RASSF6: variants seen among roughly 807,000 people sequenced by gnomAD.
RASSF6 encodes the protein ras association domain-containing protein 6.
RASSF6 carries 52 observed loss-of-function variants against 44.0 expected under a neutral mutation model. The ratio of observed to expected loss-of-function variants is 1.18; its 90% CI spans 0.95 to 1.49. The LOEUF (loss-of-function observed/expected upper bound fraction) is 1.49, where lower values mean the gene tolerates loss of function less well. Among genes scored for constraint, RASSF6 ranks in the 40% most tolerant of loss-of-function variants. The probability of loss-of-function intolerance (pLI) is 0.00; values close to 1 mark genes in which losing one functional copy is unlikely to be tolerated. For synonymous variants in RASSF6, 162 were observed against 124.6 expected (o/e 1.30, Z -2.00); for missense variants, 464 against 393.3 (o/e 1.18, Z -1.52).
intron 2 of RASSF6, among the ~76,000 whole-genome samples, chr4:73,602,905 G>C (rs1725371305): frequency 6.6e-6 from 1 of 152,080 alleles, no homozygotes; most frequent in Non-Finnish European, 1.5e-5. Context: ...TGGATAACAC[G>C]GTGAAACCCC....
chr4:73,576,638 T>C lies in RASSF6; in HGVS notation c.815A>G (p.Lys272Arg), dbSNP rs1723249371. The change falls in exon 9 of 11, where the codon AAA (lysine) becomes AGA (arginine). Residue 272 changes from lysine to arginine, a missense_variant. Transcript: ENST00000307439. ...ATCACTGCTAATTTCTTCTGCATCT[T>C]TATCCATGAGGAAAATGCGAGCATT... ...EKNARIFLMD[K>R]DAEEISSDVA... 1 of 1,613,392 alleles carries C rather than the reference T, an allele frequency of 6.2e-7. No homozygotes were observed. Among genetic ancestry groups the C allele is most frequent in the African/African-American group, 1.3e-5 (1 of 74,900 alleles).
At chr4:73,612,262 C>T (rs1726064972) in intron 1 of RASSF6, among the ~76,000 whole-genome samples, 1 of 152,108 alleles carries the variant, frequency 6.6e-6, no homozygotes, top group Non-Finnish European at 1.5e-5. Flanking sequence ...TTTTTCAAGT[C>T]TCCTTCAAGC....
intron 5 of RASSF6, among the ~76,000 whole-genome samples, 200 bp downstream of exon 5, chr4:73,587,640 T>C (rs957193284): frequency 1.3e-5 from 2 of 151,886 alleles, no homozygotes; most frequent in East Asian, 1.9e-4. Context: ...TATACCAAAG[T>C]AAGGTTCTTA....
chr4:73,618,154 G>T (rs1188420425), intron 1 of RASSF6, among the ~76,000 whole-genome samples: 1 of 152,026 alleles, frequency 6.6e-6, no homozygotes, highest in Non-Finnish European at 1.5e-5. Context: ...TCATTGCTGG[G>T]TCTCTCTGTG....
Position 73,611,703 on chromosome 4 carries a change from C to A in RASSF6, c.65+28G>T, listed in dbSNP as rs118059775. On this transcript the variant is annotated intron_variant, in intron 2 of 10. Coordinates refer to ENST00000307439, the MANE Select transcript of RASSF6 (RefSeq NM_177532.5). ...TTCCACAAATGACTGGTGAGTAGGA[C>A]AATGTATAATATAAGGTGTGTGGTT... The A allele has an allele frequency of 5.6e-6, 8 of 1,421,766 alleles. No homozygotes were observed. The African/African-American group carries it at 7.1e-5, about 13-fold the overall frequency. The allele number at this position is 1,421,766 out of a possible 1,614,324, so 88.1% of individuals were successfully genotyped here. A position where few individuals can be genotyped will look rare whatever the true frequency, so the allele number is the denominator to read the frequency against.
chr4:73,594,579 A>G (rs1040131237), intron 3 of RASSF6, among the ~76,000 whole-genome samples: 3 of 152,214 alleles, frequency 2.0e-5, no homozygotes, highest in African/African-American at 7.2e-5. Context: ...AGCGCCTGGC[A>G]TTCAATAGGT....
At chr4:73,618,301 T>TTTATCTATCTATCTATC (rs1252544878) in intron 1 of RASSF6, among the ~76,000 whole-genome samples, 2 of 150,216 alleles carry the variant, frequency 1.3e-5, no homozygotes, top group South Asian at 4.2e-4. Context: ...TATAAAGTTG[T>TTTATCTATCTATCTATC]TATCTATCTA....
At position 73,581,799 on chromosome 4, in the gene RASSF6, G is replaced by C; in HGVS notation, c.721+18C>G. 5 of 1,574,992 alleles carry C rather than the reference G, an allele frequency of 3.2e-6. No individual in the cohort carries two copies. Among genetic ancestry groups the C allele is most frequent in the Non-Finnish European group, 4.4e-6 (5 of 1,144,938 alleles). ...AGCACTCTAGAGTCAGGTAAAAAGT[G>C]TGATCAAGCTTTCTTACCTCCTGTT... On this transcript the variant is annotated intron_variant, in intron 8 of 10. Transcript: ENST00000307439.
At chr4:73,584,351 G>A (rs1041917762) in intron 6 of RASSF6, among the ~76,000 whole-genome samples, 1 of 152,042 alleles carries the variant, frequency 6.6e-6, no homozygotes, top group Non-Finnish European at 1.5e-5. Context: ...GAGATGGAGC[G>A]ATGAATGATT....
intron 6 of RASSF6, among the ~76,000 whole-genome samples, chr4:73,583,459 T>C (rs1464952702): frequency 6.6e-6 from 1 of 152,116 alleles, no homozygotes; most frequent in African/African-American, 2.4e-5. Flanking sequence ...TCTCCAGATA[T>C]GACAATCTAA....
intron 2 of RASSF6, 115 bp from the exon 3 acceptor site, chr4:73,598,833 C>G: frequency 1.9e-6 from 1 of 515,102 alleles, no homozygotes; most frequent in South Asian, 2.8e-5. Context: ...GGAATCTTTA[C>G]TGTTCTGTCA....
At chr4:73,595,728 A>G (rs1465297062) in intron 3 of RASSF6, among the ~76,000 whole-genome samples, 1 of 152,134 alleles carries the variant, frequency 6.6e-6, no homozygotes, top group Non-Finnish European at 1.5e-5. Flanking sequence ...GATTTAAGAT[A>G]CAGGACAATG....
At position 73,582,031 on chromosome 4, in the gene RASSF6, G is replaced by T. The variant is rs759310129; in HGVS notation, c.669+158C>A. On this transcript the variant is annotated intron_variant, in intron 7 of 10. Coordinates refer to ENST00000307439, the MANE Select transcript of RASSF6 (RefSeq NM_177532.5). ...GAATTATATAATTTTTCAAGGGATA[G>T]TTACTAAAAGGTGTTATACAAAGGA... is the stretch of plus-strand genomic sequence containing the variant. Among the ~76,000 whole-genome samples, 4 of 152,074 alleles carry T rather than the reference G, an allele frequency of 2.6e-5. No individual in the cohort carries two copies. In the South Asian group the frequency reaches 6.2e-4, roughly 24 times the overall value.
In RASSF6 at chr4:73,572,826, A is replaced by G. The variant is rs951429051; in HGVS notation, c.*3409T>C. On this transcript the variant is annotated 3_prime_UTR_variant, in exon 11 of 11. Coordinates refer to ENST00000307439, the MANE Select transcript of RASSF6 (RefSeq NM_177532.5). ...AAACTATAGAACACTTAATACAGAT[A>G]GGGAAGTTAGAAAAACATGAATCAC... 3.3e-5 allele frequency: 5 copies of G among 152,174 alleles called. No individual in the cohort carries two copies. The highest frequency in any genetic ancestry group is 2.6e-4 in the Admixed American group (4 of 15,278). 9.4% of individuals were successfully genotyped at this position (152,174 alleles called of 1,614,324 possible).
At chr4:73,592,053 C>A (rs548760467) in intron 4 of RASSF6, among the ~76,000 whole-genome samples, 1 of 152,264 alleles carries the variant, frequency 6.6e-6, no homozygotes, top group Non-Finnish European at 1.5e-5. Context: ...ACCTCACCTG[C>A]GTCTTAAAGG....
chr4:73,577,206 A>G (rs1219613177), intron 8 of RASSF6, among the ~76,000 whole-genome samples: 1 of 152,092 alleles, frequency 6.6e-6, no homozygotes, highest in Non-Finnish European at 1.5e-5. Context: ...AAATATATTC[A>G]TGAGGTTTTT....
At chr4:73,587,016 C>T (rs1724147068) in intron 5 of RASSF6, among the ~76,000 whole-genome samples, 1 of 152,040 alleles carries the variant, frequency 6.6e-6, no homozygotes, top group African/African-American at 2.4e-5. Context: ...TAAATCACAG[C>T]CCCATTTCAG....
rs144044857 is a variant in RASSF6 at position 73,576,461 on chromosome 4, A to C, written c.887T>G (p.Leu296Arg). 6.3e-4 allele frequency: 1,002 copies of C among 1,586,386 alleles called. 2 individuals carry two copies. Among genetic ancestry groups the C allele is most frequent in the African/African-American group, 3.7e-3 (274 of 74,072 alleles). The part of the protein sequence containing the change: ...NFHFSLLESI[L>R]QRLNEEEKRE... The stretch of plus-strand genomic sequence containing the variant: ...TTTCTCTTCTTCATTTAATCTTTGA[A>C]GAATGGATTCCAAGAGAGAAAAGTG... The change falls in exon 10 of 11, where the codon CTT becomes CGT. Residue 296 changes from leucine to arginine, a missense_variant. Transcript: ENST00000307439.
Position 73,571,684 on chromosome 4 carries a change from T to C in RASSF6, c.*4551A>G, listed in dbSNP as rs1196539867. On this transcript the variant is annotated 3_prime_UTR_variant, in exon 11 of 11. Transcript: ENST00000307439. ...ATTCATTTATTCTTTCATTCACTTATTTATTCAATCAATTTTTATTGAGCA... is the reference window on the plus strand; with the variant it reads ...ATTCATTTATTCTTTCATTCACTTACTTATTCAATCAATTTTTATTGAGCA... 6.6e-6 allele frequency: 1 copy of C among 152,076 alleles called. No homozygotes were observed. Among genetic ancestry groups the C allele is most frequent in the Non-Finnish European group, 1.5e-5 (1 of 67,998 alleles). The allele number at this position is 152,076 out of a possible 1,614,324, so 9.4% of individuals were successfully genotyped here.
Sources: gnomAD v4.1 joint callset for allele counts (sites outside exome capture counted in the v4.1 genomes callset) on GRCh38, gnomAD v4.1.1 for gene constraint, MANE v1.5 for transcripts, NCBI Gene and HGNC (gene_info 2026-07-23, HGNC 2026-07-21) for gene names.